Variants in KCNB2 observed in about 807,000 individuals in gnomAD.
KCNB2 encodes the protein potassium voltage-gated channel subfamily B member 2.
Under a neutral mutation model 61.5 loss-of-function variants are expected in KCNB2, and 15 were observed. That is an observed-to-expected ratio of 0.24 (90% CI 0.16 to 0.38). The LOEUF is 0.38. KCNB2 is among the 10% of genes least tolerant of loss of function. KCNB2 has a pLI of 1.00. For synonymous variants in KCNB2, 457 were observed against 446.0 expected (o/e 1.02, Z -0.31); for missense variants, 828 against 1,125.2 (o/e 0.74, Z 3.78).
chr8:72,865,241 G>A (rs1227866019), intron 2 of KCNB2, among the ~76,000 whole-genome samples: 1 of 151,842 alleles, frequency 6.6e-6, no homozygotes, highest in East Asian at 1.9e-4. Context: ...ATTCCCCATC[G>A]CTTACTATTG....
Position 72,938,272 on chromosome 8 carries a change from A to G in KCNB2, c.*181A>G. The G allele has an allele frequency of 1.8e-6, 1 of 549,230 alleles. No homozygotes were observed. The highest frequency in any genetic ancestry group is 3.0e-5 in the East Asian group (1 of 33,784). The allele number at this position is 549,230 out of a possible 1,614,324, so 34.0% of individuals were successfully genotyped here. ...TTAAGTACTGTTTAAATAATGAGTC[A>G]AGACTGCATTTTGTAACAAACCAAC... On this transcript the variant is annotated 3_prime_UTR_variant, in exon 3 of 3. Coordinates refer to ENST00000523207, the MANE Select transcript of KCNB2 (RefSeq NM_004770.3).
intron 2 of KCNB2, among the ~76,000 whole-genome samples, chr8:72,685,818 T>C (rs577055170): frequency 4.6e-5 from 7 of 152,098 alleles, no homozygotes; most frequent in Non-Finnish European, 8.8e-5. Context: ...GGAGAAACCC[T>C]GTCTCTACGA....
In KCNB2 at chr8:72,865,566, T is replaced by C. The variant is rs11989925; in HGVS notation, c.580-70369T>C. Among the ~76,000 whole-genome samples the C allele has an allele frequency of 5.9e-3, 903 of 152,218 alleles. 12 individuals carry two copies. The highest frequency in any genetic ancestry group is 0.02 in the African/African-American group (850 of 41,530). ...ATCATTATAAAATCACTTAGAATAG[T>C]CCCATAACAATTGCTTAATATTAGT... On this transcript the variant is annotated intron_variant, in intron 2 of 2. Transcript: ENST00000523207.
chr8:72,856,874 A>G (rs1268406382), intron 2 of KCNB2, among the ~76,000 whole-genome samples: 4 of 152,168 alleles, frequency 2.6e-5, no homozygotes, highest in South Asian at 4.1e-4. Context: ...CGATTGGTCA[A>G]TTTGTTAATA....
intron 2 of KCNB2, among the ~76,000 whole-genome samples, chr8:72,841,184 T>G (rs1017075983): frequency 2.6e-5 from 4 of 152,114 alleles, no homozygotes; most frequent in African/African-American, 4.8e-5. Flanking sequence ...TGCTTGTTTT[T>G]GTCAGGTTTG....
At chr8:72,598,609 G>A (rs1029757269) in intron 2 of KCNB2, among the ~76,000 whole-genome samples, 2 of 152,158 alleles carry the variant, frequency 1.3e-5, no homozygotes, top group African/African-American at 4.8e-5. Context: ...AGGGCACTCA[G>A]GCAGGAGAAG....
intron 2 of KCNB2, among the ~76,000 whole-genome samples, chr8:72,724,752 T>C (rs1807604755): frequency 6.6e-6 from 1 of 152,202 alleles, no homozygotes; most frequent in Non-Finnish European, 1.5e-5. Flanking sequence ...ATTCTGGTAA[T>C]TCTACCAGAT....
chr8:72,820,151 G>T (rs1415715354), intron 2 of KCNB2, among the ~76,000 whole-genome samples: 1 of 152,094 alleles, frequency 6.6e-6, no homozygotes, highest in Non-Finnish European at 1.5e-5. Flanking sequence ...GCAGCACCAA[G>T]CCTGAGGTTT....
At chr8:72,656,219 A>G (rs1414473663) in intron 2 of KCNB2, among the ~76,000 whole-genome samples, 13 of 152,112 alleles carry the variant, frequency 8.5e-5, no homozygotes, top group Middle Eastern at 3.2e-3. Flanking sequence ...TTTCAATGAT[A>G]TTTTCCAAAT....
chr8:72,839,444 C>T (rs1008139683), intron 2 of KCNB2, among the ~76,000 whole-genome samples: 1 of 152,028 alleles, frequency 6.6e-6, no homozygotes, highest in Non-Finnish European at 1.5e-5. Flanking sequence ...ATCTCATCCC[C>T]AATGAAAGCA....
intron 2 of KCNB2, among the ~76,000 whole-genome samples, chr8:72,845,151 A>G (rs1809965426): frequency 6.6e-6 from 1 of 151,928 alleles, no homozygotes; most frequent in Non-Finnish European, 1.5e-5. Context: ...GTTGATGTTG[A>G]TGCTATTCCT....
chr8:72,674,610 A>G (rs1363057113), intron 2 of KCNB2, among the ~76,000 whole-genome samples: 2 of 152,236 alleles, frequency 1.3e-5, no homozygotes, highest in Admixed American at 1.3e-4. Context: ...AATAATAAGG[A>G]TGATGTGAAG....
intron 2 of KCNB2, among the ~76,000 whole-genome samples, chr8:72,787,092 CACAGGGAGTA>C (rs1277748313): frequency 1.3e-5 from 2 of 152,122 alleles, no homozygotes; most frequent in African/African-American, 4.8e-5. Flanking sequence ...TTTCCCCTGA[CACAGGGAGTA>C]AACTGTGAAA....
At position 72,886,311 on chromosome 8, in the gene KCNB2, G is replaced by A. The variant is rs372637901; in HGVS notation, c.580-49624G>A. ...TGTTGATTTGTTTCTCTCAAAGCCCGTATCACATTTCTGTTATCCTAAAAC... is the reference window on the plus strand; with the variant it reads ...TGTTGATTTGTTTCTCTCAAAGCCCATATCACATTTCTGTTATCCTAAAAC... On this transcript the variant is annotated intron_variant, in intron 2 of 2. Coordinates refer to ENST00000523207, the MANE Select transcript of KCNB2 (RefSeq NM_004770.3). 4.6e-5 allele frequency among the ~76,000 whole-genome samples: 7 copies of A among 152,160 alleles called. No individual in the cohort carries two copies. In the East Asian group the frequency reaches 7.7e-4, roughly 17 times the overall value.
chr8:72,703,893 C>T (rs1807174835), intron 2 of KCNB2, among the ~76,000 whole-genome samples: 1 of 152,184 alleles, frequency 6.6e-6, no homozygotes, highest in African/African-American at 2.4e-5. Flanking sequence ...AATAATCCTT[C>T]CACGCATCAT....
intron 2 of KCNB2, among the ~76,000 whole-genome samples, chr8:72,667,251 T>C (rs1383692347): frequency 6.6e-6 from 1 of 152,180 alleles, no homozygotes; most frequent in Non-Finnish European, 1.5e-5. Flanking sequence ...TCCTGTCCTC[T>C]GAATGATGGA....
chr8:72,666,432 A>C (rs1405703300), intron 2 of KCNB2, among the ~76,000 whole-genome samples: 25 of 152,300 alleles, frequency 1.6e-4, no homozygotes, highest in East Asian at 3.9e-4. Context: ...AATAATGGTC[A>C]ATATCTGTAA....
At chr8:72,799,573 G>T (rs1282259715) in intron 2 of KCNB2, among the ~76,000 whole-genome samples, 1 of 152,028 alleles carries the variant, frequency 6.6e-6, no homozygotes, top group Non-Finnish European at 1.5e-5. Flanking sequence ...ACCACATTGT[G>T]GATTTTAAGA....
At chr8:72,920,504 G>C (rs548455540) in intron 2 of KCNB2, among the ~76,000 whole-genome samples, 90 of 72,624 alleles carry the variant, frequency 1.2e-3, no homozygotes, top group African/African-American at 3.7e-3. Context: ...GGCCATGGTG[G>C]TGTGCACCTG....
Sources: allele counts gnomAD v4.1 joint callset (sites outside exome capture counted in the v4.1 genomes callset), GRCh38; gene constraint gnomAD v4.1.1; transcripts MANE v1.5; gene names NCBI Gene and HGNC (gene_info 2026-07-23, HGNC 2026-07-21).